MSH6: variants seen among roughly 807,000 people sequenced by gnomAD.
MSH6 encodes the protein DNA mismatch repair protein Msh6.
MSH6 carries 85 observed loss-of-function variants against 119.1 expected under a neutral mutation model. The ratio of observed to expected loss-of-function variants is 0.71; its 90% confidence interval spans 0.60 to 0.85. MSH6 has a LOEUF of 0.85. Ranked by LOEUF, MSH6 falls within the 40% of genes least tolerant of loss-of-function variation. The pLI is 0.00. For synonymous variants in MSH6, 830 were observed against 586.9 expected (o/e 1.41, Z -5.99); for missense variants, 2,163 against 1,655.3 (o/e 1.31, Z -5.32).
downstream of MSH6, chr2:47,808,088 A>G (rs1304396576): frequency 2.5e-6 from 4 of 1,573,992 alleles, no homozygotes; most frequent in African/African-American, 1.4e-5. Context: ...TGATGTTACA[A>G]TGGCAGGACT....
downstream of MSH6, chr2:47,809,876 CTTATCAA>C (rs1169753821): frequency 1.8e-6 from 1 of 550,764 alleles, no homozygotes; most frequent in Admixed American, 3.5e-5. Flanking sequence ...GTAACATTCA[CTTATCAA>C]TGACTATGGT....
intron 9 of MSH6, 46 bp from the exon 10 acceptor site, chr2:47,806,733 T>TATGAAAA (rs1558395124): frequency 6.5e-7 from 1 of 1,530,294 alleles, no homozygotes; most frequent in Admixed American, 1.8e-5. Flanking sequence ...GATGATGCAC[T>TATGAAAA]ATGAAAAAAC....
At chr2:47,797,477 C>A (rs1434054767) in intron 3 of MSH6, among the ~76,000 whole-genome samples, 2 of 152,168 alleles carry the variant, frequency 1.3e-5, no homozygotes, top group Non-Finnish European at 2.9e-5. Context: ...ATGTGCTAGG[C>A]CTGAGATGAG....
At chr2:47,798,293 T>TG (rs1669218076) in intron 3 of MSH6, among the ~76,000 whole-genome samples, 1 of 152,198 alleles carries the variant, frequency 6.6e-6, no homozygotes, top group Admixed American at 6.5e-5. Context: ...CAACTTATGA[T>TG]GGGGTTACAT....
In MSH6 at chr2:47,800,815, A is replaced by G; in HGVS notation, c.2832A>G (p.Ile944Met). 1 of 1,614,146 alleles carries G rather than the reference A, an allele frequency of 6.2e-7. No individual in the cohort carries two copies. The highest frequency in any genetic ancestry group is 8.5e-7 in the Non-Finnish European group (1 of 1,180,022). The part of the protein sequence containing the change: ...DSDYDQALAD[I>M]RENEQSLLEY... ...ATTATGACCAAGCTCTTGCTGACAT[A>G]AGAGAAAATGAACAGAGCCTCCTGG... is the stretch of plus-strand genomic sequence containing the variant. The change falls in exon 4 of 10, where the codon ATA becomes ATG. Residue 944 changes from isoleucine to methionine, a missense_variant. By Grantham distance (10) the Ile-to-Met change is conservative. Coordinates refer to ENST00000234420, the MANE Select transcript of MSH6 (RefSeq NM_000179.3).
chr2:47,788,581 T>C (rs1404655879), intron 1 of MSH6, among the ~76,000 whole-genome samples: 2 of 146,188 alleles, frequency 1.4e-5, no homozygotes, highest in African/African-American at 2.5e-5. Flanking sequence ...TTTTTTTTTT[T>C]TTTTTTGAGA....
At position 47,803,697 on chromosome 2, in the gene MSH6, TTAAAG is replaced by T. The variant is rs1250557097; in HGVS notation, c.3438+14_3438+18del. On this transcript the variant is annotated intron_variant, in intron 5 of 9. Transcript: ENST00000234420. ...CGCTTATGAGACAGGTAACTGATTC[TTAAAG>T]TTTTGTTATCAGAAAGTCATTTGTG... 2 of 1,613,832 alleles carry T rather than the reference TTAAAG, an allele frequency of 1.2e-6. No homozygotes were observed. Among genetic ancestry groups the T allele is most frequent in the South Asian group, 1.1e-5 (1 of 91,076 alleles).
chr2:47,806,178 T>G, intron 7 of MSH6, 26 bp from the exon 8 acceptor site: 1 of 1,611,222 alleles, frequency 6.2e-7, no homozygotes, highest in South Asian at 1.1e-5. Flanking sequence ...TTGAGTTACT[T>G]CCTTATGCAT....
At chr2:47,784,151 G>A in intron 1 of MSH6, 1 of 1,005,894 alleles carries the variant, frequency 9.9e-7, no homozygotes, top group Non-Finnish European at 1.2e-6. Context: ...GAGCGCGGGG[G>A]GGTGTGTCAC....
At chr2:47,804,109 C>T (rs749702477) in intron 5 of MSH6, among the ~76,000 whole-genome samples, 3 of 151,910 alleles carry the variant, frequency 2.0e-5, no homozygotes, top group Non-Finnish European at 4.4e-5. Context: ...TTGAAAACTG[C>T]TCTTTAGGGA....
chr2:47,783,796 A>C, intron 1 of MSH6: 1 of 434,666 alleles, frequency 2.3e-6, no homozygotes, highest in Non-Finnish European at 3.0e-6. Flanking sequence ...TGCTGGGCTA[A>C]GGAAGGGGCG....
chr2:47,790,534 ATAT>A (rs1414315816), intron 1 of MSH6, among the ~76,000 whole-genome samples: 2 of 152,194 alleles, frequency 1.3e-5, no homozygotes, highest in Admixed American at 1.3e-4. Context: ...CTTTATAATA[ATAT>A]TGTGAGTTAG....
Position 47,806,913 on chromosome 2 carries a change from G to T in MSH6, c.*53G>T. The stretch of plus-strand genomic sequence containing the variant: ...ACTTCTGACAAAGGTGGTAAATTCA[G>T]ACAACATTATGATCTAATAAACTTT... On this transcript the variant is annotated 3_prime_UTR_variant, in exon 10 of 10. Transcript: ENST00000234420. The T allele has an allele frequency of 7.7e-7, 1 of 1,301,116 alleles. No homozygotes were observed. The highest frequency in any genetic ancestry group is 1.2e-5 in the South Asian group (1 of 83,592). 80.6% of individuals were successfully genotyped at this position (1,301,116 alleles called of 1,614,324 possible).
At position 47,798,851 on chromosome 2, in the gene MSH6, C is replaced by T. The variant is rs2104302714; in HGVS notation, c.868C>T (p.Leu290=). ...SGVGDSESEG[L]NSPVKVARKR... ...AGTGGGGGATAGTGAGAGTGAAGGC[C>T]TGAACAGCCCTGTCAAAGTTGCTCG... The change falls in exon 4 of 10, where the codon CTG becomes TTG. Residue 290 remains leucine, a synonymous_variant. Coordinates refer to ENST00000234420, the MANE Select transcript of MSH6 (RefSeq NM_000179.3). 1 of 1,614,122 alleles carries T rather than the reference C, an allele frequency of 6.2e-7. No individual in the cohort carries two copies. The highest frequency in any genetic ancestry group is 8.5e-7 in the Non-Finnish European group (1 of 1,180,030).
chr2:47,806,056 G>C, intron 7 of MSH6, 148 bp from the exon 8 acceptor site: 8 of 792,928 alleles, frequency 1.0e-5, no homozygotes, highest in East Asian at 2.7e-5. Context: ...AAGCAGACTC[G>C]TGTAGCTAAA....
At chr2:47,797,062 A>C (rs1178589901) in intron 3 of MSH6, among the ~76,000 whole-genome samples, 1 of 152,238 alleles carries the variant, frequency 6.6e-6, no homozygotes, top group Non-Finnish European at 1.5e-5. Context: ...GATGGCGTTT[A>C]AATCAGCCCA....
At chr2:47,808,307 A>G (rs371125307), downstream of MSH6, 9 of 1,612,444 alleles carry the variant, frequency 5.6e-6, no homozygotes, top group Middle Eastern at 1.6e-4. Context: ...TGGGTAATAT[A>G]TCAAGCAAGT....
Position 47,805,600 on chromosome 2 carries a change from G to GA in MSH6, c.3557-17dup. On this transcript the variant is annotated splice_polypyrimidine_tract_variant and intron_variant, in intron 6 of 9. Coordinates refer to ENST00000234420, the MANE Select transcript of MSH6 (RefSeq NM_000179.3). Reference sequence around the variant, plus strand: ...ATTTGCAAAATGAGTATTCATTTGTGATTTTTTTTTTTTTAAGGTGAAAGT... The same window carrying GA: ...ATTTGCAAAATGAGTATTCATTTGTGAATTTTTTTTTTTTTAAGGTGAAAGT... 7.7e-7 allele frequency: 1 copy of GA among 1,306,624 alleles called. No homozygotes were observed. The highest frequency in any genetic ancestry group is 1.2e-5 in the South Asian group (1 of 83,434). 80.9% of individuals were successfully genotyped at this position (1,306,624 alleles called of 1,614,324 possible). A position where few individuals can be genotyped will look rare whatever the true frequency, so the allele number is the denominator to read the frequency against.
chr2:47,806,747 AAAAC>A, intron 9 of MSH6, 28 bp from the exon 10 acceptor site: 1 of 1,514,868 alleles, frequency 6.6e-7, no homozygotes, highest in East Asian at 2.4e-5. Flanking sequence ...AAAAAACAAA[AAAAC>A]TTTTTTTTTT....
Sources: gnomAD v4.1 joint callset for allele counts (sites outside exome capture counted in the v4.1 genomes callset) on GRCh38, gnomAD v4.1.1 for gene constraint, MANE v1.5 for transcripts, NCBI Gene and HGNC (gene_info 2026-07-23, HGNC 2026-07-21) for gene names.